GAB3: variants seen among roughly 807,000 people sequenced by gnomAD.
GAB3 encodes the protein GRB2-associated-binding protein 3.
In GAB3, 12 loss-of-function variants were observed where a neutral mutation model predicts 40.4. The ratio of observed to expected loss-of-function variants is 0.30; its 90% confidence interval spans 0.19 to 0.48. GAB3 has a LOEUF of 0.48. Ranked by LOEUF, GAB3 falls within the 20% of genes least tolerant of loss-of-function variation. The pLI, the probability that GAB3 is intolerant of heterozygous loss-of-function variation, is 0.99. For missense variants in GAB3, 381 were observed against 461.9 expected, an observed-to-expected ratio of 0.82 and a Z score of 1.61; for synonymous variants, 154 against 176.7, an observed-to-expected ratio of 0.87 and a Z score of 1.02.
At chrX:154,735,625 A>G (rs2071355102) in intron 1 of GAB3, among the ~76,000 whole-genome samples, 1 of 111,253 alleles carries the variant, frequency 9.0e-6, no homozygotes, top group Admixed American at 9.5e-5. Context: ...ACCCCTCTCC[A>G]CGCATCTCAC....
At chrX:154,705,352 A>T (rs2070792591) in intron 4 of GAB3, among the ~76,000 whole-genome samples, 1 of 111,765 alleles carries the variant, frequency 8.9e-6, no homozygotes, top group Admixed American at 9.5e-5. Context: ...AGTTTAAAAA[A>T]TTAAAAAATT....
intron 2 of GAB3, among the ~76,000 whole-genome samples, chrX:154,714,276 A>G (rs1557257183): frequency 8.9e-6 from 1 of 111,903 alleles, no homozygotes; most frequent in Admixed American, 9.5e-5. Flanking sequence ...GTTCAAGTCC[A>G]GGCTCTACTA....
chrX:154,708,528 C>A (rs782675120), intron 4 of GAB3, among the ~76,000 whole-genome samples: 1 of 111,427 alleles, frequency 9.0e-6, no homozygotes, highest in African/African-American at 3.3e-5. Flanking sequence ...AACTGAGTAG[C>A]AAAAAAACTA....
At chrX:154,685,122 A>T (rs1238915503) in intron 8 of GAB3, among the ~76,000 whole-genome samples, 3 of 111,844 alleles carry the variant, frequency 2.7e-5, no homozygotes, top group Non-Finnish European at 5.6e-5. Context: ...ACAAGTTGTA[A>T]ATGGTCTTTT....
chrX:154,700,102 T>G (rs782721213), intron 4 of GAB3, 43 bp from the exon 5 acceptor site: 1 of 1,075,602 alleles, frequency 9.3e-7, no homozygotes, highest in Non-Finnish European at 1.3e-6. Flanking sequence ...CAGAACAATA[T>G]CAACTGAAAC....
intron 1 of GAB3, among the ~76,000 whole-genome samples, chrX:154,748,927 T>C (rs1557262368): frequency 1.8e-5 from 2 of 111,793 alleles, no homozygotes; most frequent in Non-Finnish European, 3.8e-5. Flanking sequence ...GTGAAAAAGA[T>C]TCCTGCAGAA....
intron 4 of GAB3, among the ~76,000 whole-genome samples, chrX:154,710,383 CTACTGGATATTA>C (rs2070919252): frequency 9.0e-6 from 1 of 111,619 alleles, no homozygotes; most frequent in Non-Finnish European, 1.9e-5. Flanking sequence ...AGGACTTGTC[CTACTGGATATTA>C]AGACAGAATG....
intron 1 of GAB3, among the ~76,000 whole-genome samples, chrX:154,745,736 A>G (rs1569558186): frequency 8.9e-6 from 1 of 112,134 alleles, no homozygotes; most frequent in Non-Finnish European, 1.9e-5. Context: ...TGGATAACCC[A>G]CATAGCCCTA....
chrX:154,700,247 C>G (rs1678599226), intron 4 of GAB3, among the ~76,000 whole-genome samples, 188 bp from the exon 5 acceptor site: 1 of 111,717 alleles, frequency 9.0e-6, no homozygotes, highest in Admixed American at 9.5e-5. Context: ...GGTTTGAGTT[C>G]TCTCTGTGAA....
chrX:154,709,093 A>C (rs1557254616), intron 4 of GAB3, among the ~76,000 whole-genome samples: 1 of 108,477 alleles, frequency 9.2e-6, no homozygotes, highest in African/African-American at 3.3e-5. Flanking sequence ...GTCTTGTGAT[A>C]GAGCTCTCAC....
chrX:154,719,057 G>C (rs1280515707), intron 1 of GAB3, among the ~76,000 whole-genome samples: 1 of 111,916 alleles, frequency 8.9e-6, no homozygotes, highest in African/African-American at 3.3e-5. Flanking sequence ...CTCTAGCTGG[G>C]ATAGGGAGAA....
At chrX:154,691,962 C>T (rs2070576835) in intron 8 of GAB3, among the ~76,000 whole-genome samples, 1 of 111,886 alleles carries the variant, frequency 8.9e-6, no homozygotes, top group South Asian at 3.7e-4. Context: ...TGAATGTCCA[C>T]AAGCAAAAGA....
intron 6 of GAB3, among the ~76,000 whole-genome samples, chrX:154,698,323 C>G (rs1038850089): frequency 8.9e-6 from 1 of 112,132 alleles, no homozygotes; most frequent in African/African-American, 3.2e-5. Flanking sequence ...CCCCCTCAGA[C>G]TGAAGAACCC....
intron 4 of GAB3, among the ~76,000 whole-genome samples, chrX:154,711,210 G>A (rs915901701): frequency 2.7e-5 from 3 of 111,776 alleles, no homozygotes; most frequent in African/African-American, 9.8e-5. Flanking sequence ...TGATGTGTGG[G>A]TGATTATATT....
At chrX:154,718,168 A>G (rs1013551342) in intron 1 of GAB3, among the ~76,000 whole-genome samples, 16 of 110,696 alleles carry the variant, frequency 1.4e-4, no homozygotes, top group African/African-American at 5.3e-4. Context: ...AAAAGACACT[A>G]TTTGGAGTAT....
rs143104779 is a variant in GAB3 at position 154,700,023 on chromosome X, T to C, written c.1106A>G (p.Lys369Arg). 3.3e-6 allele frequency: 4 copies of C among 1,208,482 alleles called. No homozygotes were observed. The highest frequency in any genetic ancestry group is 4.5e-6 in the Non-Finnish European group (4 of 893,786). The change falls in exon 5 of 10, where the codon AAG becomes AGG. Residue 369 changes from lysine to arginine, a missense_variant. Coordinates refer to ENST00000424127, the MANE Select transcript of GAB3 (RefSeq NM_001081573.3). The part of the protein sequence containing the change: ...VEGQSLRHRD[K>R]RLSLNLPCRF... ...ACTTACCAAATTCAAACTAAGCCGC[T>C]TGTCTCGGTGTCTTAAGGATTGGCC...
intron 1 of GAB3, among the ~76,000 whole-genome samples, chrX:154,725,410 T>C (rs2071198476): frequency 9.0e-6 from 1 of 111,028 alleles, no homozygotes; most frequent in Non-Finnish European, 1.9e-5. Flanking sequence ...ATACATGAAA[T>C]AGACATTAGA....
chrX:154,735,057 T>C (rs1396831437), intron 1 of GAB3, among the ~76,000 whole-genome samples: 1 of 112,356 alleles, frequency 8.9e-6, no homozygotes, highest in Non-Finnish European at 1.9e-5. Flanking sequence ...TATGAATCAG[T>C]ATTTCACAGA....
chrX:154,679,040 C>T, intron 9 of GAB3: 1 of 287,843 alleles, frequency 3.5e-6, no homozygotes, highest in Non-Finnish European at 6.7e-6. Flanking sequence ...AACTGTAGTA[C>T]CAGCTACTTG....
Sources: allele counts gnomAD v4.1 joint callset (sites outside exome capture counted in the v4.1 genomes callset), GRCh38; gene constraint gnomAD v4.1.1; transcripts MANE v1.5; gene names NCBI Gene and HGNC (gene_info 2026-07-23, HGNC 2026-07-21).